Variants in PTPRD observed in about 807,000 individuals in gnomAD.
The protein encoded by PTPRD is protein tyrosine phosphatase receptor type D.
A neutral mutation model predicts 214.5 loss-of-function variants in PTPRD; 34 were observed. That is an observed-to-expected ratio of 0.16 (90% CI 0.12 to 0.21). The LOEUF (loss-of-function observed/expected upper bound fraction) is 0.21, where lower values mean the gene tolerates loss of function less well. Among genes scored for constraint, PTPRD ranks in the 10% least tolerant of loss-of-function variants. The probability of loss-of-function intolerance (pLI) is 1.00; values close to 1 mark genes in which losing one functional copy is unlikely to be tolerated. For synonymous variants in PTPRD, 1,128 were observed against 845.7 expected (o/e 1.33, Z -5.79); for missense variants, 2,545 against 2,398.7 (o/e 1.06, Z -1.27).
intron 4 of PTPRD, among the ~76,000 whole-genome samples, chr9:10,002,569 T>C (rs1030484518): frequency 1.3e-5 from 2 of 151,050 alleles, no homozygotes; most frequent in African/African-American, 4.8e-5. Context: ...GACTTAAACC[T>C]ACAAAATTTT....
intron 2 of PTPRD, among the ~76,000 whole-genome samples, chr9:10,604,791 T>G (rs1454572293): frequency 6.6e-6 from 1 of 151,930 alleles, no homozygotes; most frequent in Non-Finnish European, 1.5e-5. Context: ...ATTGAATGTA[T>G]TATATAATAA....
At position 9,108,175 on chromosome 9, in the gene PTPRD, C is replaced by G. The variant is rs148521051; in HGVS notation, c.-143+75129G>C. ...TTAAGTTACAGTTTTTCCTGTAAAA[C>G]TTATATTATTTACGTTTGTCTGTAT... On this transcript the variant is annotated intron_variant, in intron 10 of 45. Coordinates refer to ENST00000381196, the MANE Select transcript of PTPRD (RefSeq NM_002839.4). Among the ~76,000 whole-genome samples, 53 of 152,146 alleles carry G rather than the reference C, an allele frequency of 3.5e-4. 1 individual carries two copies. In the East Asian group the frequency reaches 9.9e-3, roughly 28 times the overall value.
At chr9:10,492,675 C>G (rs1700236478) in intron 2 of PTPRD, among the ~76,000 whole-genome samples, 1 of 152,094 alleles carries the variant, frequency 6.6e-6, no homozygotes, top group Admixed American at 6.6e-5. Context: ...CCTGTTCACT[C>G]TGATGAGACT....
chr9:9,661,430 CA>C (rs1381150157), intron 7 of PTPRD, among the ~76,000 whole-genome samples: 3 of 151,820 alleles, frequency 2.0e-5, no homozygotes, highest in Admixed American at 1.3e-4. Context: ...AACCTAGAAG[CA>C]TCTTCATGTT....
chr9:9,732,912 CA>C (rs112644963), intron 7 of PTPRD, among the ~76,000 whole-genome samples: 21 of 148,108 alleles, frequency 1.4e-4, no homozygotes, highest in East Asian at 6.1e-4. Context: ...ACCTTGTTTC[CA>C]AAAAAAAAAA....
chr9:10,504,950 T>A (rs2045400810), intron 2 of PTPRD, among the ~76,000 whole-genome samples: 1 of 152,162 alleles, frequency 6.6e-6, no homozygotes, highest in Non-Finnish European at 1.5e-5. Context: ...GTAACACTGG[T>A]GTATCTGCTA....
chr9:9,302,072 C>G (rs1385352355), intron 9 of PTPRD, among the ~76,000 whole-genome samples: 3 of 151,880 alleles, frequency 2.0e-5, no homozygotes, highest in Non-Finnish European at 2.9e-5. Context: ...TTTCATATTG[C>G]TCATACATAA....
intron 11 of PTPRD, among the ~76,000 whole-genome samples, chr9:9,003,531 T>C (rs777190690): frequency 2.6e-5 from 4 of 152,046 alleles, no homozygotes; most frequent in African/African-American, 4.8e-5. Context: ...TGGTCTATGA[T>C]GGTGATTGTT....
intron 9 of PTPRD, among the ~76,000 whole-genome samples, chr9:9,320,631 G>C (rs1259843157): frequency 3.3e-5 from 5 of 152,024 alleles, no homozygotes; most frequent in Admixed American, 3.3e-4. Flanking sequence ...ACACTGCCTG[G>C]ATTGAGTAGA....
chr9:8,387,578 ATAATAG>A (rs1408103787), intron 37 of PTPRD, among the ~76,000 whole-genome samples: 1 of 152,208 alleles, frequency 6.6e-6, no homozygotes, highest in Non-Finnish European at 1.5e-5. Context: ...ATGCCGTAAT[ATAATAG>A]TTCAGCTGTC....
At chr9:10,300,085 AC>A (rs1193300808) in intron 3 of PTPRD, among the ~76,000 whole-genome samples, 5 of 152,228 alleles carry the variant, frequency 3.3e-5, no homozygotes, top group African/African-American at 1.2e-4. Flanking sequence ...TCTAAATGTT[AC>A]CATTCCATCC....
Position 8,545,258 on chromosome 9 carries a change from C to A in PTPRD, c.353-16479G>T, listed in dbSNP as rs537486852. Among the ~76,000 whole-genome samples the A allele has an allele frequency of 3.9e-5, 6 of 152,208 alleles. No homozygotes were observed. In the South Asian group the frequency reaches 1.2e-3, roughly 32 times the overall value. On this transcript the variant is annotated intron_variant, in intron 14 of 45. Transcript: ENST00000381196. ...TTTCATACTTATATTTTGTCCTTGA[C>A]AAAGATAATATTGTTTGTTCAGACA... is the stretch of plus-strand genomic sequence containing the variant.
At chr9:9,706,530 C>T (rs1007306550) in intron 7 of PTPRD, among the ~76,000 whole-genome samples, 14 of 151,966 alleles carry the variant, frequency 9.2e-5, no homozygotes, top group Non-Finnish European at 1.5e-4. Flanking sequence ...ACCTCCACCT[C>T]CTGGGTTCAA....
At chr9:8,527,479 T>C (rs2074492806) in intron 15 of PTPRD, 126 bp from the exon 16 acceptor site, 4 of 823,564 alleles carry the variant, frequency 4.9e-6, no homozygotes, top group Non-Finnish European at 7.8e-6. Context: ...ATGTGAATAA[T>C]TAATTCTTCA....
At chr9:8,920,565 C>G (rs1050627938) in intron 11 of PTPRD, among the ~76,000 whole-genome samples, 1 of 152,076 alleles carries the variant, frequency 6.6e-6, no homozygotes, top group Non-Finnish European at 1.5e-5. Context: ...TACACTAACA[C>G]TAATGATAGC....
At chr9:8,991,623 T>C (rs544871172) in intron 11 of PTPRD, among the ~76,000 whole-genome samples, 38 of 152,246 alleles carry the variant, frequency 2.5e-4, no homozygotes, top group Non-Finnish European at 4.3e-4. Context: ...ACAAAATGGA[T>C]CAGGAAAACT....
intron 5 of PTPRD, among the ~76,000 whole-genome samples, chr9:9,882,920 G>A (rs2069301071): frequency 1.3e-5 from 2 of 152,122 alleles, no homozygotes; most frequent in South Asian, 4.1e-4. Flanking sequence ...TTTGGTTGTT[G>A]AAAAGAGTCT....
intron 10 of PTPRD, among the ~76,000 whole-genome samples, chr9:9,039,433 C>T (rs906225303): frequency 6.6e-6 from 1 of 152,160 alleles, no homozygotes; most frequent in African/African-American, 2.4e-5. Context: ...ATCTCGATGA[C>T]TCTAATCATC....
At chr9:9,660,386 G>C (rs1038233924) in intron 7 of PTPRD, among the ~76,000 whole-genome samples, 4 of 151,906 alleles carry the variant, frequency 2.6e-5, no homozygotes, top group African/African-American at 9.7e-5. Context: ...CCTTATTTTA[G>C]CTACAGCCAA....
Sources: allele counts gnomAD v4.1 joint callset (sites outside exome capture counted in the v4.1 genomes callset), GRCh38; gene constraint gnomAD v4.1.1; transcripts MANE v1.5; gene names NCBI Gene and HGNC (gene_info 2026-07-23, HGNC 2026-07-21).